The following LAMA5 variants were observed in gnomAD, a reference collection of about 807,000 sequenced individuals.
LAMA5 encodes laminin subunit alpha 5.
LAMA5 carries 260 observed loss-of-function variants against 433.4 expected under a neutral mutation model. The observed-to-expected ratio is 0.60, with a 90% CI of 0.54 to 0.66. LAMA5 has a LOEUF of 0.66. LAMA5 is among the 30% of genes least tolerant of loss of function. LAMA5 has a pLI of 0.00. For synonymous variants in LAMA5, 2,620 were observed against 2,226.6 expected (o/e 1.18, Z -4.97); for missense variants, 5,378 against 5,258.5 (o/e 1.02, Z -0.70).
In LAMA5 at chr20:62,324,414, C is replaced by T; in HGVS notation, c.5643+27G>A. On this transcript the variant is annotated intron_variant, in intron 42 of 79. Transcript: ENST00000252999. This position sits in a 1 kb window ranked among gnomAD's most constrained non-coding sequence, Gnocchi z 4.4. Reference sequence around the variant, plus strand: ...GACTGTGCCTTCAGTGAATGCTGCCCCCCTGGCCCCACCAGCCCCTACTCA... The same window carrying T: ...GACTGTGCCTTCAGTGAATGCTGCCTCCCTGGCCCCACCAGCCCCTACTCA... 1.3e-6 allele frequency: 2 copies of T among 1,564,446 alleles called. No individual in the cohort carries two copies. Among genetic ancestry groups the T allele is most frequent in the Non-Finnish European group, 8.8e-7 (1 of 1,140,296 alleles).
chr20:62,329,029 C>T lies in LAMA5; in HGVS notation c.4262G>A (p.Arg1421Gln), dbSNP rs754715133. Reference sequence around the variant, plus strand: ...GAGGGAGAGGGAAGCAGCAGCGTTTCGGCAGAACAGGGATGAGCTGCTGGG... The same window carrying T: ...GAGGGAGAGGGAAGCAGCAGCGTTTTGGCAGAACAGGGATGAGCTGCTGGG... ...ISPSSSSLFCRNAAASLSLFY... is the reference protein window; with the variant it reads ...ISPSSSSLFCQNAAASLSLFY... The change falls in exon 34 of 80, where the codon CGA becomes CAA. Residue 1421 changes from arginine to glutamine, a missense_variant. By Grantham distance (43) the Arg-to-Gln change is conservative. Coordinates refer to ENST00000252999, the MANE Select transcript of LAMA5 (RefSeq NM_005560.6). 10 of 1,612,676 alleles carry T rather than the reference C, an allele frequency of 6.2e-6. No individual in the cohort carries two copies. The highest frequency in any genetic ancestry group is 2.2e-5 in the East Asian group (1 of 44,868).
At chr20:62,339,587 G>A (rs919749766) in intron 11 of LAMA5, among the ~76,000 whole-genome samples, 2 of 149,452 alleles carry the variant, frequency 1.3e-5, no homozygotes, top group Non-Finnish European at 3.0e-5. Flanking sequence ...CTTAACTTAC[G>A]CATGAAAGGA....
At position 62,346,904 on chromosome 20, in the gene LAMA5, G is replaced by A. The variant is rs766450571; in HGVS notation, c.1072+9C>T. On this transcript the variant is annotated intron_variant, in intron 7 of 79. Transcript: ENST00000252999. ...GGCAGGACACACGTGTGTGGGAGGA[G>A]GCACTCACACTGGCACTCGTTGGCA... is the stretch of plus-strand genomic sequence containing the variant. The A allele has an allele frequency of 1.9e-6, 3 of 1,610,496 alleles. No individual in the cohort carries two copies. The highest frequency in any genetic ancestry group is 8.5e-7 in the Non-Finnish European group (1 of 1,177,646).
In LAMA5 at chr20:62,346,935, G is replaced by A. The variant is rs189204052; in HGVS notation, c.1050C>T (p.Ala350=). ...CACACTGGCACTCGTTGGCACTGTT[G>A]GCAGTCGCAGGCTTCCACGGCTGCT... ...FNQQPWKPAT[A]NSANECQSCN... The change falls in exon 7 of 80, where the codon GCC becomes GCT. Residue 350 remains alanine (A), a synonymous_variant. Coordinates refer to ENST00000252999, the MANE Select transcript of LAMA5 (RefSeq NM_005560.6). The A allele has an allele frequency of 1.2e-4, 198 of 1,612,912 alleles. 1 individual carries two copies. The highest frequency in any genetic ancestry group is 6.4e-5 in the Non-Finnish European group (75 of 1,179,904).
Position 62,346,890 on chromosome 20 carries a change from C to T in LAMA5, c.1072+23G>A, listed in dbSNP as rs369175586. The T allele has an allele frequency of 6.1e-5, 98 of 1,610,464 alleles. No individual in the cohort carries two copies. The African/African-American group carries it at 6.9e-4, about 11-fold the overall frequency. On this transcript the variant is annotated intron_variant, in intron 7 of 79. Coordinates refer to ENST00000252999, the MANE Select transcript of LAMA5 (RefSeq NM_005560.6). ...TGGGCCAGGGTGTGGGCAGGACACA[C>T]GTGTGTGGGAGGAGGCACTCACACT...
At position 62,341,039 on chromosome 20, in the gene LAMA5, A is replaced by AAAATAAAT. The variant is rs71303318; in HGVS notation, c.1478-2439_1478-2432dup. ...GGGTGACAGAGTGAGACTCTGTGTC[A>AAAATAAAT]AAATAAATAAATAAATAAATAAATA... is the stretch of plus-strand genomic sequence containing the variant. On this transcript the variant is annotated intron_variant, in intron 11 of 79. Coordinates refer to ENST00000252999, the MANE Select transcript of LAMA5 (RefSeq NM_005560.6). 4.1e-3 allele frequency among the ~76,000 whole-genome samples: 602 copies of AAAATAAAT among 147,074 alleles called. 3 individuals are homozygous for AAAATAAAT. The highest frequency in any genetic ancestry group is 5.2e-3 in the Non-Finnish European group (352 of 67,208).
chr20:62,345,302 C>T (rs1388608634), intron 11 of LAMA5: 1 of 134,774 alleles, frequency 7.4e-6, no homozygotes, highest in East Asian at 2.2e-4. Flanking sequence ...TGTGCCCAAC[C>T]AATTTTCTTT....
intron 2 of LAMA5, among the ~76,000 whole-genome samples, chr20:62,361,202 C>CG (rs1179693626): frequency 6.6e-6 from 1 of 151,998 alleles, no homozygotes; most frequent in Non-Finnish European, 1.5e-5. Context: ...GAGTCAGATG[C>CG]GGGGAAACCC....
chr20:62,357,274 G>A (rs987766604), intron 2 of LAMA5, among the ~76,000 whole-genome samples: 9 of 152,174 alleles, frequency 5.9e-5, no homozygotes, highest in Non-Finnish European at 8.8e-5. Context: ...CTCAGCCCCC[G>A]CCCTGCAGGA....
Position 62,329,124 on chromosome 20 carries a change from A to G in LAMA5, c.4235+14T>C. ...CCCCACCCCGGACCCCTGACCTGCC[A>G]GAGCCCTGCCCACCTGATGTGGTAG... On this transcript the variant is annotated intron_variant, in intron 33 of 79. Transcript: ENST00000252999. 6.2e-7 allele frequency: 1 copy of G among 1,612,274 alleles called. No homozygotes were observed. Among genetic ancestry groups the G allele is most frequent in the Non-Finnish European group, 8.5e-7 (1 of 1,179,442 alleles).
rs138669003 is a variant in LAMA5 at position 62,332,422 on chromosome 20, C to A, written c.3502G>T (p.Asp1168Tyr). 123 of 1,612,796 alleles carry A rather than the reference C, an allele frequency of 7.6e-5. No individual in the cohort carries two copies. The highest frequency in any genetic ancestry group is 9.7e-5 in the Non-Finnish European group (114 of 1,179,972). ...TQDHLAVFHL[D>Y]SEASVRLTAE... ...GTGAGCCTCACGCTGGCCTCCGAGTCCAGGTGGAAGACAGCCAGGTGGTCC... is the reference window on the plus strand; with the variant it reads ...GTGAGCCTCACGCTGGCCTCCGAGTACAGGTGGAAGACAGCCAGGTGGTCC... The change falls in exon 28 of 80, where the codon GAC becomes TAC. Residue 1168 changes from aspartate to tyrosine, a missense_variant. Transcript: ENST00000252999.
rs1452088464 is a variant in LAMA5, at chr20:62,324,074, GCTTA to G, written c.5768+2_5768+5del. ...AGGGCCTCGTCCCGGGAGGAGGCTG[GCTTA>G]CTTGTTGGAAGGCACTGAGAGGGGG... On this transcript the variant is annotated splice_donor_variant and splice_donor_5th_base_variant and intron_variant, in intron 43 of 79. Coordinates refer to ENST00000252999, the MANE Select transcript of LAMA5 (RefSeq NM_005560.6). LOFTEE classifies it high-confidence loss of function. This position sits in a 1 kb window ranked among gnomAD's most constrained non-coding sequence, Gnocchi z 4.4. 2.0e-6 allele frequency: 3 copies of G among 1,504,930 alleles called. No individual in the cohort carries two copies. Among genetic ancestry groups the G allele is most frequent in the Non-Finnish European group, 2.7e-6 (3 of 1,129,638 alleles). 93.2% of individuals were successfully genotyped at this position (1,504,930 alleles called of 1,614,324 possible). A position where few individuals can be genotyped will look rare whatever the true frequency, so the allele number is the denominator to read the frequency against.
In LAMA5 at chr20:62,329,025, G is replaced by A. The variant is rs544096167; in HGVS notation, c.4266C>T (p.Asn1422=). 5 of 1,612,722 alleles carry A rather than the reference G, an allele frequency of 3.1e-6. No homozygotes were observed. The highest frequency in any genetic ancestry group is 4.5e-5 in the East Asian group (2 of 44,862). The change falls in exon 34 of 80, where the codon AAC becomes AAT. Residue 1422 remains asparagine, a synonymous_variant. Coordinates refer to ENST00000252999, the MANE Select transcript of LAMA5 (RefSeq NM_005560.6). ...SPSSSSLFCR[N]AAASLSLFYN... is the part of the protein sequence containing the mutation. The stretch of plus-strand genomic sequence containing the variant: ...AGAAGAGGGAGAGGGAAGCAGCAGC[G>A]TTTCGGCAGAACAGGGATGAGCTGC...
In LAMA5 at chr20:62,336,455, GA is replaced by G; in HGVS notation, c.2218-11del. ...TACAGGGAACCTGTGCCTGGGAGAG[GA>G]CAAGACTGCAGGTCAGAGCGGGCGC... is the stretch of plus-strand genomic sequence containing the variant. On this transcript the variant is annotated splice_polypyrimidine_tract_variant and intron_variant, in intron 17 of 79. Coordinates refer to ENST00000252999, the MANE Select transcript of LAMA5 (RefSeq NM_005560.6). 6.2e-7 allele frequency: 1 copy of G among 1,608,208 alleles called. No homozygotes were observed. The highest frequency in any genetic ancestry group is 8.5e-7 in the Non-Finnish European group (1 of 1,176,404).
In LAMA5 at chr20:62,367,163, G is replaced by A; in HGVS notation, c.83C>T (p.Ala28Val). The change falls in exon 1 of 80, where the codon GCG (alanine) becomes GTG (valine). Residue 28 changes from alanine to valine, a missense_variant. Coordinates refer to ENST00000252999, the MANE Select transcript of LAMA5 (RefSeq NM_005560.6). ...CCGCGCCCGCGCCGCGCCCAGCAGC[G>A]CCAGCCCGACCAGCAGCAGCGGCGC... ...GPAPLLLVGL[A>V]LLGAARAREE... The A allele has an allele frequency of 8.0e-7, 1 of 1,254,038 alleles. No homozygotes were observed. Among genetic ancestry groups the A allele is most frequent in the Non-Finnish European group, 1.0e-6 (1 of 1,002,942 alleles). The allele number at this position is 1,254,038 out of a possible 1,614,324, so 77.7% of individuals were successfully genotyped here. A position where few individuals can be genotyped will look rare whatever the true frequency, so the allele number is the denominator to read the frequency against.
rs114290713 is a variant in LAMA5 at position 62,362,381 on chromosome 20, C to G, written c.450+19G>C. On this transcript the variant is annotated intron_variant, in intron 2 of 79. Coordinates refer to ENST00000252999, the MANE Select transcript of LAMA5 (RefSeq NM_005560.6). Reference sequence around the variant, plus strand: ...AGACACAGAGATGGGGGCTGCAGCACGCAAAGAAGGGTCCCTACCTGGCCC... The same window carrying G: ...AGACACAGAGATGGGGGCTGCAGCAGGCAAAGAAGGGTCCCTACCTGGCCC... 1 of 1,481,672 alleles carries G rather than the reference C, an allele frequency of 6.7e-7. No individual in the cohort carries two copies. Among genetic ancestry groups the G allele is most frequent in the Admixed American group, 2.2e-5 (1 of 45,894 alleles). 91.8% of individuals were successfully genotyped at this position (1,481,672 alleles called of 1,614,324 possible).
At position 62,314,202 on chromosome 20, in the gene LAMA5, G is replaced by C. The variant is rs1986678982; in HGVS notation, c.8504+102C>G. ...GAGGCGAGGGGTGGCGAGTGGGCAT[G>C]GAGAGGTGAAGGGTGGTGGGTGCAC... On this transcript the variant is annotated intron_variant, in intron 62 of 79. Transcript: ENST00000252999. 3 of 1,406,422 alleles carry C rather than the reference G, an allele frequency of 2.1e-6. No homozygotes were observed. In the Admixed American group the frequency reaches 5.7e-5, roughly 27 times the overall value. 87.1% of individuals were successfully genotyped at this position (1,406,422 alleles called of 1,614,324 possible). A position where few individuals can be genotyped will look rare whatever the true frequency, so the allele number is the denominator to read the frequency against.
At position 62,314,153 on chromosome 20, in the gene LAMA5, CGAG is replaced by C. The variant is rs143623725; in HGVS notation, c.8504+148_8504+150del. The C allele has an allele frequency of 2.5e-4, 236 of 933,536 alleles. No homozygotes were observed. The African/African-American group carries it at 3.0e-3, about 12-fold the overall frequency. The allele number at this position is 933,536 out of a possible 1,614,324, so 57.8% of individuals were successfully genotyped here. A position where few individuals can be genotyped will look rare whatever the true frequency, so the allele number is the denominator to read the frequency against. Reference sequence around the variant, plus strand: ...GAGGGGTGGCGAGTGGGCACAGAGACGAGGGGTGGCGAGTGGGCACGGAGAGGC... The same window carrying C: ...GAGGGGTGGCGAGTGGGCACAGAGACGGGTGGCGAGTGGGCACGGAGAGGC... On this transcript the variant is annotated intron_variant, in intron 62 of 79. Coordinates refer to ENST00000252999, the MANE Select transcript of LAMA5 (RefSeq NM_005560.6).
intron 6 of LAMA5, among the ~76,000 whole-genome samples, chr20:62,349,983 G>A (rs1984051297): frequency 6.6e-6 from 1 of 151,550 alleles, no homozygotes; most frequent in Admixed American, 6.6e-5. Flanking sequence ...AAGGGTGCAG[G>A]GAGAACATGG....
Sources: gnomAD v4.1 joint callset for allele counts (sites outside exome capture counted in the v4.1 genomes callset) on GRCh38, gnomAD v4.1.1 for gene constraint, Gnocchi (gnomAD v3.1) non-coding constraint, MANE v1.5 for transcripts, NCBI Gene and HGNC (gene_info 2026-07-23, HGNC 2026-07-21) for gene names.